The following GLIS3 variants were observed in gnomAD, a reference collection of about 807,000 sequenced individuals.
GLIS3 encodes GLIS family zinc finger 3, also known as zinc finger protein GLIS3.
GLIS3 carries 53 observed loss-of-function variants against 78.6 expected under a neutral mutation model. That is an observed-to-expected ratio of 0.67 (90% CI 0.54 to 0.85). GLIS3 has a LOEUF of 0.85. GLIS3 is among the 40% of genes least tolerant of loss of function. The pLI is 0.00. For synonymous variants in GLIS3, 684 were observed against 509.9 expected, an observed-to-expected ratio of 1.34 and a Z score of -4.60; for missense variants, 1,703 against 1,231.1, an observed-to-expected ratio of 1.38 and a Z score of -5.74.
Position 4,136,730 on chromosome 9 carries a change from A to G in GLIS3, c.389-10789T>C, listed in dbSNP as rs1833435137. Among the ~76,000 whole-genome samples, 5 of 152,316 alleles carry G rather than the reference A, an allele frequency of 3.3e-5. No homozygotes were observed. The South Asian group carries it at 1.0e-3, about 32-fold the overall frequency. On this transcript the variant is annotated intron_variant, in intron 2 of 10. Coordinates refer to ENST00000381971, the MANE Select transcript of GLIS3 (RefSeq NM_001042413.2). ...AGGCACAATGCGTCCTGGAGAAACAAAGATGAGCTAGGGCTGCCTACAAGA... is the reference window on the plus strand; with the variant it reads ...AGGCACAATGCGTCCTGGAGAAACAGAGATGAGCTAGGGCTGCCTACAAGA...
intron 2 of GLIS3, among the ~76,000 whole-genome samples, chr9:4,242,467 TCCAAAGCC>T (rs1369673842): frequency 6.6e-6 from 1 of 152,114 alleles, no homozygotes; most frequent in Non-Finnish European, 1.5e-5. Flanking sequence ...ACAGTGGCAT[TCCAAAGCC>T]CCACGTTCCA....
the GLIS3 span, among the ~76,000 whole-genome samples, chr9:4,359,603 G>C: frequency 4.6e-5 from 7 of 152,162 alleles, no homozygotes; most frequent in African/African-American, 1.7e-4. Context: ...TTTGTAGAAA[G>C]AACTTGGGAG....
intron 4 of GLIS3, among the ~76,000 whole-genome samples, chr9:4,016,105 C>T (rs895102184): frequency 3.3e-5 from 5 of 152,084 alleles, no homozygotes; most frequent in Non-Finnish European, 7.4e-5. Context: ...CATAAGTCAT[C>T]AAATGGTAAT....
chr9:3,981,649 T>A (rs1351485911), intron 4 of GLIS3, among the ~76,000 whole-genome samples: 1 of 152,132 alleles, frequency 6.6e-6, no homozygotes, highest in Non-Finnish European at 1.5e-5. Context: ...TGATACATAG[T>A]TCCAATTAAA....
the GLIS3 span, among the ~76,000 whole-genome samples, chr9:4,446,673 C>A: frequency 8.8e-5 from 11 of 125,164 alleles, no homozygotes; most frequent in African/African-American, 2.6e-4. Flanking sequence ...CCATGCCCGG[C>A]TAATTTTTTT....
chr9:4,088,056 G>C lies in GLIS3; in HGVS notation c.1710+29712C>G, dbSNP rs924042855. Among the ~76,000 whole-genome samples, 4 of 152,312 alleles carry C rather than the reference G, an allele frequency of 2.6e-5. No individual in the cohort carries two copies. The East Asian group carries it at 5.8e-4, about 22-fold the overall frequency. The stretch of plus-strand genomic sequence containing the variant: ...ATAGTCGAACTCAGCTCACTGGCTA[G>C]ACAAGGTGTGAGGATAGCCATGGCA... On this transcript the variant is annotated intron_variant, in intron 4 of 10. Transcript: ENST00000381971.
At chr9:3,946,378 T>C (rs2130826138) in intron 4 of GLIS3, among the ~76,000 whole-genome samples, 1 of 152,342 alleles carries the variant, frequency 6.6e-6, no homozygotes, top group South Asian at 2.1e-4. Context: ...GAATGCATAT[T>C]GATTGCCTAG....
chr9:4,349,354 T>A (rs1186956073), upstream of GLIS3, among the ~76,000 whole-genome samples: 1 of 152,234 alleles, frequency 6.6e-6, no homozygotes, highest in African/African-American at 2.4e-5. Context: ...CTCTTCTAAA[T>A]GCTTTATAAT....
chr9:3,940,153 A>G (rs1025526371), intron 4 of GLIS3, among the ~76,000 whole-genome samples: 1 of 152,266 alleles, frequency 6.6e-6, no homozygotes, highest in East Asian at 1.9e-4. Context: ...TATAAGTTCA[A>G]TTAAATGCAA....
chr9:4,067,214 C>A (rs775610382), intron 4 of GLIS3, among the ~76,000 whole-genome samples: 1 of 151,124 alleles, frequency 6.6e-6, no homozygotes, highest in Non-Finnish European at 1.5e-5. Flanking sequence ...TATTAAAATT[C>A]TTTATATTAC....
At chr9:4,251,380 T>A (rs964476545) in intron 2 of GLIS3, among the ~76,000 whole-genome samples, 10 of 152,184 alleles carry the variant, frequency 6.6e-5, no homozygotes, top group African/African-American at 2.4e-4. Flanking sequence ...TTATCTTTTT[T>A]GATCTTTGTT....
chr9:3,828,355 C>T lies in GLIS3; in HGVS notation c.2710G>A (p.Gly904Arg), dbSNP rs150310830. Residue 904 changes from glycine (G) to arginine (R), a missense_variant, in exon 11 of 11, where the codon GGG (glycine) becomes AGG (arginine). Coordinates refer to ENST00000381971, the MANE Select transcript of GLIS3 (RefSeq NM_001042413.2). ...TGCAAGAAGGTAGCATCTTCAGCCCCGCTGCGGAGAGACTCCCCAAAGAGG... is the reference window on the plus strand; with the variant it reads ...TGCAAGAAGGTAGCATCTTCAGCCCTGCTGCGGAGAGACTCCCCAAAGAGG... ...SSLFGESLRS[G>R]AEDATFLQIS... The T allele has an allele frequency of 2.4e-4, 393 of 1,613,888 alleles. No homozygotes were observed. Among genetic ancestry groups the T allele is most frequent in the Admixed American group, 3.2e-4 (19 of 60,030 alleles).
At chr9:4,359,155 G>C in the GLIS3 span, among the ~76,000 whole-genome samples, 16 of 152,038 alleles carry the variant, frequency 1.1e-4, no homozygotes, top group Non-Finnish European at 4.4e-5. Context: ...AATTGCTGCA[G>C]TTGTTCCAGT....
intron 4 of GLIS3, among the ~76,000 whole-genome samples, chr9:3,989,327 G>C (rs1194655543): frequency 6.6e-6 from 1 of 152,194 alleles, no homozygotes; most frequent in Non-Finnish European, 1.5e-5. Flanking sequence ...AGGCACTCTG[G>C]AAAACAGTTT....
chr9:3,973,599 G>T (rs914474063), intron 4 of GLIS3, among the ~76,000 whole-genome samples: 1 of 152,118 alleles, frequency 6.6e-6, no homozygotes, highest in Admixed American at 6.5e-5. Context: ...ATTACTAATC[G>T]TGCTAATCCT....
chr9:4,288,238 C>G (rs1454478208), intron 1 of GLIS3, among the ~76,000 whole-genome samples: 2 of 152,168 alleles, frequency 1.3e-5, no homozygotes, highest in Non-Finnish European at 2.9e-5. Flanking sequence ...ATAAAATTGG[C>G]CATCTATTTT....
At chr9:3,861,002 G>C (rs1333817588) in intron 8 of GLIS3, among the ~76,000 whole-genome samples, 1 of 152,174 alleles carries the variant, frequency 6.6e-6, no homozygotes, top group Non-Finnish European at 1.5e-5. Flanking sequence ...GACAGCAAAG[G>C]GCGGGGTGGA....
At chr9:4,347,042 C>T (rs1201707499) in intron 2 of GLIS3, 1 of 152,152 alleles carries the variant, frequency 6.6e-6, no homozygotes, top group Non-Finnish European at 1.5e-5. Context: ...ATATCTAAGG[C>T]TAGGTAATTT....
chr9:4,278,058 C>G (rs1388747564), intron 2 of GLIS3, among the ~76,000 whole-genome samples: 3 of 152,160 alleles, frequency 2.0e-5, no homozygotes, highest in African/African-American at 7.2e-5. Flanking sequence ...TTTCTATTAT[C>G]TTAGAAACAT....
Sources: gnomAD v4.1 joint callset for allele counts (sites outside exome capture counted in the v4.1 genomes callset) on GRCh38, gnomAD v4.1.1 for gene constraint, MANE v1.5 for transcripts, NCBI Gene and HGNC (gene_info 2026-07-23, HGNC 2026-07-21) for gene names.